The following TNFRSF13B variants were observed in gnomAD, a reference collection of about 807,000 sequenced individuals.
TNFRSF13B encodes the protein TNF receptor superfamily member 13B.
TNFRSF13B carries 34 observed loss-of-function variants against 24.0 expected under a neutral mutation model. The observed-to-expected ratio is 1.41, with a 90% CI of 1.08 to 1.88. The LOEUF is 1.88. TNFRSF13B is among the 40% of genes most tolerant of loss of function. TNFRSF13B has a pLI of 0.00. For missense variants in TNFRSF13B, 415 were observed against 380.8 expected (o/e 1.09, Z -0.75); for synonymous variants, 173 against 150.3 (o/e 1.15, Z -1.10).
At chr17:16,962,513 CA>C (rs1258634316) in intron 1 of TNFRSF13B, among the ~76,000 whole-genome samples, 8 of 139,038 alleles carry the variant, frequency 5.8e-5, no homozygotes, top group Non-Finnish European at 9.4e-5. Context: ...TCTCCCCCCC[CA>C]AAAAAAAAGA....
chr17:16,940,789 A>G (rs868354662), intron 3 of TNFRSF13B: 1 of 1,368,686 alleles, frequency 7.3e-7, no homozygotes, highest in Middle Eastern at 2.8e-4. Context: ...TAATTGGGAC[A>G]GCGCTGGAGA....
At chr17:16,951,067 A>G (rs940003939) in intron 2 of TNFRSF13B, among the ~76,000 whole-genome samples, 3 of 152,116 alleles carry the variant, frequency 2.0e-5, no homozygotes, top group East Asian at 3.9e-4. Context: ...CACTCCATCT[A>G]TGTTTGTGGG....
intron 1 of TNFRSF13B, among the ~76,000 whole-genome samples, chr17:16,966,340 CAAAGACATATGAA>C (rs2087699389): frequency 6.6e-6 from 1 of 151,630 alleles, no homozygotes; most frequent in Admixed American, 6.6e-5. Context: ...CACCCAATTC[CAAAGACATATGAA>C]AAACAGGCAC....
At chr17:16,970,819 A>C (rs942933401) in intron 1 of TNFRSF13B, among the ~76,000 whole-genome samples, 1 of 152,222 alleles carries the variant, frequency 6.6e-6, no homozygotes, top group African/African-American at 2.4e-5. Context: ...GCCTTGTCCA[A>C]GTCTCTCAGA....
intron 1 of TNFRSF13B, among the ~76,000 whole-genome samples, chr17:16,954,944 A>G (rs1393465646): frequency 6.6e-6 from 1 of 152,182 alleles, no homozygotes; most frequent in Non-Finnish European, 1.5e-5. Flanking sequence ...CCCAGTTTCT[A>G]TCTAAGGAGT....
chr17:16,959,230 T>C (rs1005784029), intron 1 of TNFRSF13B, among the ~76,000 whole-genome samples: 1 of 151,946 alleles, frequency 6.6e-6, no homozygotes, highest in Non-Finnish European at 1.5e-5. Flanking sequence ...AACAACAAAT[T>C]GGTCGAAGAA....
chr17:16,956,088 C>G (rs1454497583), intron 1 of TNFRSF13B, among the ~76,000 whole-genome samples: 1 of 152,138 alleles, frequency 6.6e-6, no homozygotes, highest in Non-Finnish European at 1.5e-5. Flanking sequence ...GAGCCAAGCA[C>G]TTAAGGAAAT....
intron 3 of TNFRSF13B, among the ~76,000 whole-genome samples, chr17:16,945,445 G>A (rs1466963335): frequency 6.6e-6 from 1 of 152,210 alleles, no homozygotes; most frequent in African/African-American, 2.4e-5. Context: ...CCCAGACTGT[G>A]CTCAAATCCC....
intron 3 of TNFRSF13B, chr17:16,940,850 G>A: frequency 2.4e-6 from 3 of 1,228,302 alleles, no homozygotes; most frequent in Non-Finnish European, 3.1e-6. Context: ...CAGGGAGCAT[G>A]TCTCTGTGCA....
At chr17:16,952,321 G>A in intron 2 of TNFRSF13B, 125 bp downstream of exon 2, 1 of 1,394,460 alleles carries the variant, frequency 7.2e-7, no homozygotes, top group Non-Finnish European at 9.9e-7. Flanking sequence ...GGTAAGAGGT[G>A]CCACACTGTA....
intron 1 of TNFRSF13B, among the ~76,000 whole-genome samples, chr17:16,954,016 C>A (rs906533954): frequency 3.9e-5 from 6 of 152,236 alleles, no homozygotes; most frequent in Non-Finnish European, 7.3e-5. Flanking sequence ...CCGCCCGAGT[C>A]GGCCTCCCAA....
intron 1 of TNFRSF13B, among the ~76,000 whole-genome samples, chr17:16,964,743 T>A (rs1253473918): frequency 6.6e-6 from 1 of 152,222 alleles, no homozygotes; most frequent in Non-Finnish European, 1.5e-5. Flanking sequence ...CAGCCACTTC[T>A]ACCCATCATA....
intron 4 of TNFRSF13B, 144 bp downstream of exon 4, chr17:16,940,182 G>T (rs1250021066): frequency 5.1e-6 from 8 of 1,556,026 alleles, no homozygotes; most frequent in Non-Finnish European, 6.9e-6. Context: ...GTCTTAACCT[G>T]ATTTTATCAA....
chr17:16,969,502 T>C (rs2087728760), intron 1 of TNFRSF13B, among the ~76,000 whole-genome samples: 1 of 152,110 alleles, frequency 6.6e-6, no homozygotes, highest in Non-Finnish European at 1.5e-5. Flanking sequence ...AACAGGCAAA[T>C]CTATAGAGAC....
intron 1 of TNFRSF13B, among the ~76,000 whole-genome samples, chr17:16,957,626 A>G (rs1016036186): frequency 3.3e-5 from 5 of 152,220 alleles, no homozygotes; most frequent in Admixed American, 1.3e-4. Context: ...CTTGTGTACA[A>G]AGGATCATCA....
intron 1 of TNFRSF13B, among the ~76,000 whole-genome samples, chr17:16,958,450 A>G (rs937319376): frequency 2.0e-5 from 3 of 152,004 alleles, no homozygotes; most frequent in African/African-American, 7.2e-5. Context: ...AAAAACCCAC[A>G]GGCTTCATGT....
intron 2 of TNFRSF13B, among the ~76,000 whole-genome samples, chr17:16,949,685 A>G (rs1256278536): frequency 7.0e-6 from 1 of 143,550 alleles, no homozygotes; most frequent in African/African-American, 2.5e-5. Context: ...GAATATTTCT[A>G]ATTTTTTTTT....
In TNFRSF13B at chr17:16,966,333, C is replaced by A. The variant is rs555236805; in HGVS notation, c.61+5682G>T. Among the ~76,000 whole-genome samples, 4 of 151,356 alleles carry A rather than the reference C, an allele frequency of 2.6e-5. No homozygotes were observed. In the East Asian group the frequency reaches 7.7e-4, roughly 29 times the overall value. ...AAAACTTCTCTATGACAACAAACACCCAATTCCAAAGACATATGAAAAACA... is the reference window on the plus strand; with the variant it reads ...AAAACTTCTCTATGACAACAAACACACAATTCCAAAGACATATGAAAAACA... On this transcript the variant is annotated intron_variant, in intron 1 of 4. Transcript: ENST00000261652.
At chr17:16,951,711 A>G (rs1028982352) in intron 2 of TNFRSF13B, among the ~76,000 whole-genome samples, 2 of 152,154 alleles carry the variant, frequency 1.3e-5, no homozygotes, top group East Asian at 1.9e-4. Context: ...CAACATGGAG[A>G]AACCCCATCT....
Sources: gnomAD v4.1 joint callset for allele counts (sites outside exome capture counted in the v4.1 genomes callset) on GRCh38, gnomAD v4.1.1 for gene constraint, MANE v1.5 for transcripts, NCBI Gene and HGNC (gene_info 2026-07-23, HGNC 2026-07-21) for gene names.